The following SGCZ variants were observed in gnomAD, a reference collection of about 807,000 sequenced individuals.
SGCZ encodes zeta-sarcoglycan.
A neutral mutation model predicts 41.3 loss-of-function variants in SGCZ; 40 were observed. The ratio of observed to expected loss-of-function variants is 0.97; its 90% confidence interval spans 0.75 to 1.26. The LOEUF (loss-of-function observed/expected upper bound fraction) is 1.26, where lower values mean the gene tolerates loss of function less well. SGCZ is among the 50% of genes most tolerant of loss of function. SGCZ has a pLI of 0.00. For synonymous variants in SGCZ, 206 were observed against 137.5 expected (o/e 1.50, Z -3.49); for missense variants, 552 against 369.8 (o/e 1.49, Z -4.04).
At chr8:14,244,190 C>CA (rs1798996478) in intron 3 of SGCZ, among the ~76,000 whole-genome samples, 2 of 149,008 alleles carry the variant, frequency 1.3e-5, no homozygotes, top group Non-Finnish European at 3.0e-5. Context: ...CTTCTTCCTC[C>CA]TCCTCTTCCT....
At position 14,288,825 on chromosome 8, in the gene SGCZ, ACTT is replaced by A. The variant is rs573905516; in HGVS notation, c.336+35275_336+35277del. ...GAGTAGAATTGATAAGCCATATTTT[ACTT>A]CTTCTTATCTTTTGGATGACTGTGA... On this transcript the variant is annotated intron_variant, in intron 3 of 7. Coordinates refer to ENST00000382080, the MANE Select transcript of SGCZ (RefSeq NM_139167.4). 4.4e-3 allele frequency among the ~76,000 whole-genome samples: 666 copies of A among 152,128 alleles called. 7 individuals are homozygous for A. Among genetic ancestry groups the A allele is most frequent in the African/African-American group, 0.015 (626 of 41,526 alleles).
At chr8:14,850,091 C>G (rs1321540614) in intron 1 of SGCZ, among the ~76,000 whole-genome samples, 1 of 152,020 alleles carries the variant, frequency 6.6e-6, no homozygotes, top group East Asian at 1.9e-4. Flanking sequence ...CTCTTTATGA[C>G]CAAAGAAAAA....
intron 2 of SGCZ, among the ~76,000 whole-genome samples, chr8:14,464,854 G>A (rs544862017): frequency 6.6e-6 from 1 of 151,366 alleles, no homozygotes; most frequent in East Asian, 1.9e-4. Flanking sequence ...TGGTTGTTCA[G>A]AGTTTTTTAA....
intron 2 of SGCZ, among the ~76,000 whole-genome samples, chr8:14,554,165 T>C (rs961348528): frequency 1.3e-5 from 2 of 152,098 alleles, no homozygotes; most frequent in African/African-American, 4.8e-5. Context: ...TGCTGGTTTA[T>C]CTTCCATTTA....
At chr8:14,636,194 C>G (rs74967391) in intron 1 of SGCZ, among the ~76,000 whole-genome samples, 16,897 of 151,822 alleles carry the variant, frequency 0.11, 1,129 homozygotes, top group African/African-American at 0.2. Context: ...GATGAAGCGG[C>G]AGACATAAGC....
Position 14,875,951 on chromosome 8 carries a change from C to G in SGCZ, c.40-321025G>C, listed in dbSNP as rs184389842. On this transcript the variant is annotated intron_variant, in intron 1 of 7. Coordinates refer to ENST00000382080, the MANE Select transcript of SGCZ (RefSeq NM_139167.4). Reference sequence around the variant, plus strand: ...TAGCAGAGTAATAAACTCTCTCATTCTCTAAAACAATGGGAAAATCAGCCA... The same window carrying G: ...TAGCAGAGTAATAAACTCTCTCATTGTCTAAAACAATGGGAAAATCAGCCA... Among the ~76,000 whole-genome samples, 600 of 152,254 alleles carry G rather than the reference C, an allele frequency of 3.9e-3. 4 individuals carry two copies. Among genetic ancestry groups the G allele is most frequent in the African/African-American group, 0.014 (576 of 41,548 alleles).
At chr8:14,870,550 C>A (rs1804111782) in intron 1 of SGCZ, among the ~76,000 whole-genome samples, 1 of 152,006 alleles carries the variant, frequency 6.6e-6, no homozygotes, top group Non-Finnish European at 1.5e-5. Context: ...ACTGAAACAC[C>A]AAAAGCAATG....
intron 1 of SGCZ, among the ~76,000 whole-genome samples, chr8:15,203,998 T>G (rs191352169): frequency 6.6e-6 from 1 of 152,328 alleles, no homozygotes; most frequent in East Asian, 1.9e-4. Context: ...TTTCTCATAT[T>G]ATTGCTTTAT....
intron 3 of SGCZ, among the ~76,000 whole-genome samples, chr8:14,252,533 G>C (rs1000509633): frequency 6.6e-6 from 1 of 152,004 alleles, no homozygotes; most frequent in Non-Finnish European, 1.5e-5. Context: ...TAGCCTTTTT[G>C]ATTGTTTGTT....
chr8:14,890,948 C>G (rs1479751651), intron 1 of SGCZ, among the ~76,000 whole-genome samples: 1 of 152,208 alleles, frequency 6.6e-6, no homozygotes, highest in Non-Finnish European at 1.5e-5. Context: ...AGCAGCACTT[C>G]TGTTTATAGC....
chr8:14,431,482 G>A (rs991987437), intron 2 of SGCZ, among the ~76,000 whole-genome samples: 5 of 152,096 alleles, frequency 3.3e-5, no homozygotes, highest in African/African-American at 1.2e-4. Flanking sequence ...AAATTGGCCA[G>A]CCACATGTAG....
intron 1 of SGCZ, among the ~76,000 whole-genome samples, chr8:15,180,193 G>A (rs894479567): frequency 2.6e-5 from 4 of 152,104 alleles, no homozygotes; most frequent in Admixed American, 2.0e-4. Flanking sequence ...ATATCATGAT[G>A]TCACTACAAA....
intron 1 of SGCZ, among the ~76,000 whole-genome samples, chr8:14,558,611 A>AGAGG (rs1465597797): frequency 1.5e-4 from 20 of 137,352 alleles, no homozygotes; most frequent in East Asian, 4.3e-4. Context: ...AGAGAGAGAG[A>AGAGG]GAATCTTCCA....
intron 1 of SGCZ, among the ~76,000 whole-genome samples, chr8:14,997,085 T>C (rs1440504054): frequency 2.6e-5 from 4 of 152,198 alleles, no homozygotes; most frequent in African/African-American, 9.6e-5. Flanking sequence ...CAATTTCTCC[T>C]TAAATTTCTG....
chr8:14,876,341 A>C (rs893104809), intron 1 of SGCZ, among the ~76,000 whole-genome samples: 3 of 152,224 alleles, frequency 2.0e-5, no homozygotes, highest in African/African-American at 7.2e-5. Flanking sequence ...GAAACGATGC[A>C]GGTAAAGCTG....
chr8:14,131,333 G>C (rs1803034431), intron 5 of SGCZ, among the ~76,000 whole-genome samples: 1 of 152,136 alleles, frequency 6.6e-6, no homozygotes, highest in Admixed American at 6.5e-5. Context: ...CTTGTAGACA[G>C]GTAAGCAGTA....
chr8:14,921,789 C>T (rs920754810), intron 1 of SGCZ, among the ~76,000 whole-genome samples: 3 of 152,018 alleles, frequency 2.0e-5, no homozygotes, highest in Admixed American at 1.3e-4. Flanking sequence ...AAGTTCACTC[C>T]TTATATAACC....
intron 1 of SGCZ, among the ~76,000 whole-genome samples, chr8:14,689,872 A>T (rs373420451): frequency 3.7e-4 from 56 of 152,320 alleles, no homozygotes; most frequent in African/African-American, 1.3e-3. Flanking sequence ...ACCAAGGAGA[A>T]AAATGGGCGG....
chr8:14,872,249 A>G (rs566373059), intron 1 of SGCZ, among the ~76,000 whole-genome samples: 2 of 152,210 alleles, frequency 1.3e-5, no homozygotes, highest in South Asian at 4.1e-4. Flanking sequence ...GCAAACCACC[A>G]TGGCACATGT....
Sources: allele counts gnomAD v4.1 joint callset (sites outside exome capture counted in the v4.1 genomes callset), GRCh38; gene constraint gnomAD v4.1.1; transcripts MANE v1.5; gene names NCBI Gene and HGNC (gene_info 2026-07-23, HGNC 2026-07-21).